The following KCNIP1 variants were observed in gnomAD, a reference collection of about 807,000 sequenced individuals.
The protein encoded by KCNIP1 is A-type potassium channel modulatory protein KCNIP1.
Under a neutral mutation model 33.0 loss-of-function variants are expected in KCNIP1, and 18 were observed. The ratio of observed to expected loss-of-function variants is 0.55; its 90% CI spans 0.38 to 0.81. The LOEUF is 0.81. KCNIP1 is among the 30% of genes least tolerant of loss of function. KCNIP1 has a pLI of 0.00. For missense variants in KCNIP1, 238 were observed against 271.6 expected, an observed-to-expected ratio of 0.88 and a Z score of 0.87; for synonymous variants, 93 against 98.3, an observed-to-expected ratio of 0.95 and a Z score of 0.32.
chr5:170,713,693 C>T (rs1414304530), intron 1 of KCNIP1, among the ~76,000 whole-genome samples: 2 of 152,162 alleles, frequency 1.3e-5, no homozygotes, highest in African/African-American at 4.8e-5. Context: ...CTTTGGGCCA[C>T]ACTCAAGCCG....
Position 170,623,783 on chromosome 5 carries a change from C to G in KCNIP1, c.62-94975C>G, listed in dbSNP as rs188670369. Among the ~76,000 whole-genome samples, 9 of 152,304 alleles carry G rather than the reference C, an allele frequency of 5.9e-5. No individual in the cohort carries two copies. The East Asian group carries it at 1.7e-3, about 29-fold the overall frequency. On this transcript the variant is annotated intron_variant, in intron 1 of 7. Transcript: ENST00000328939. The stretch of plus-strand genomic sequence containing the variant: ...GCCTGAAGACTAACGCACATGATGT[C>G]AAGTGCGGGGCCCAAGTACTCAGGA...
intron 1 of KCNIP1, among the ~76,000 whole-genome samples, chr5:170,689,049 A>G (rs1762634534): frequency 6.6e-6 from 1 of 152,196 alleles, no homozygotes; most frequent in African/African-American, 2.4e-5. Flanking sequence ...AGCTAAAGAT[A>G]ATACATGATA....
intron 1 of KCNIP1, among the ~76,000 whole-genome samples, chr5:170,601,946 C>G (rs1479078711): frequency 6.6e-6 from 1 of 152,096 alleles, no homozygotes; most frequent in African/African-American, 2.4e-5. Context: ...TGCCAGAAAC[C>G]GAGATGGTGC....
At position 170,673,792 on chromosome 5, in the gene KCNIP1, C is replaced by G. The variant is rs560160342; in HGVS notation, c.62-44966C>G. On this transcript the variant is annotated intron_variant, in intron 1 of 7. Coordinates refer to ENST00000328939, the MANE Select transcript of KCNIP1 (RefSeq NM_014592.4). The stretch of plus-strand genomic sequence containing the variant: ...TATTAATGTCCCTGTCACTCTATAC[C>G]CTTGTCCAAGTTACTCCACACCCTC... 7.9e-5 allele frequency among the ~76,000 whole-genome samples: 12 copies of G among 152,146 alleles called. No homozygotes were observed. In the South Asian group the frequency reaches 2.3e-3, roughly 29 times the overall value.
At chr5:170,431,384 T>C (rs1451151938) in intron 1 of KCNIP1, among the ~76,000 whole-genome samples, 4 of 152,186 alleles carry the variant, frequency 2.6e-5, no homozygotes, top group African/African-American at 9.7e-5. Context: ...GGGCACAGGA[T>C]CATCTCTCTC....
intron 1 of KCNIP1, among the ~76,000 whole-genome samples, chr5:170,706,457 A>G (rs1420017246): frequency 6.6e-6 from 1 of 152,226 alleles, no homozygotes; most frequent in African/African-American, 2.4e-5. Flanking sequence ...AACTGTATCA[A>G]TCAGGCTTTT....
intron 1 of KCNIP1, among the ~76,000 whole-genome samples, chr5:170,649,416 T>C (rs79097033): frequency 0.055 from 8,347 of 152,318 alleles, 300 homozygotes; most frequent in Non-Finnish European, 0.081. Flanking sequence ...AGGGCATCCA[T>C]GGTCCATTGT....
intron 1 of KCNIP1, among the ~76,000 whole-genome samples, chr5:170,551,435 T>C (rs1756630856): frequency 6.6e-6 from 1 of 152,186 alleles, no homozygotes; most frequent in African/African-American, 2.4e-5. Context: ...GCAGGGTAAA[T>C]GCACCCCCAT....
intron 1 of KCNIP1, among the ~76,000 whole-genome samples, chr5:170,709,388 A>G (rs189423030): frequency 1.3e-5 from 2 of 152,378 alleles, no homozygotes. Context: ...GCCCTTTTAC[A>G]TAAGAATTCT....
At chr5:170,647,750 A>C (rs1371657388) in intron 1 of KCNIP1, among the ~76,000 whole-genome samples, 2 of 152,168 alleles carry the variant, frequency 1.3e-5, no homozygotes, top group African/African-American at 4.8e-5. Context: ...CCAAAGGCAC[A>C]ATCTGTGAAA....
At chr5:170,561,150 T>G (rs1428965025) in intron 1 of KCNIP1, 2 of 455,860 alleles carry the variant, frequency 4.4e-6, no homozygotes, top group South Asian at 1.5e-5. Context: ...GATGTGTTTA[T>G]GCTCCTTCGA....
At chr5:170,692,367 T>A (rs940163644) in intron 1 of KCNIP1, among the ~76,000 whole-genome samples, 2 of 151,900 alleles carry the variant, frequency 1.3e-5, no homozygotes, top group Non-Finnish European at 2.9e-5. Flanking sequence ...TGAAAATAAA[T>A]CCCCCAGGCT....
intron 1 of KCNIP1, among the ~76,000 whole-genome samples, chr5:170,594,868 T>C (rs915473825): frequency 3.3e-5 from 5 of 152,250 alleles, no homozygotes; most frequent in African/African-American, 7.2e-5. Flanking sequence ...TGATGAGTTA[T>C]GGAAAGTAGG....
At chr5:170,665,424 C>T (rs1408983371) in intron 1 of KCNIP1, among the ~76,000 whole-genome samples, 5 of 152,092 alleles carry the variant, frequency 3.3e-5, no homozygotes, top group African/African-American at 7.2e-5. Flanking sequence ...CTTTGTAATA[C>T]GCCTGTCTCT....
intron 1 of KCNIP1, chr5:170,681,387 G>A (rs1762341441): frequency 2.8e-6 from 1 of 354,686 alleles, no homozygotes; most frequent in Non-Finnish European, 5.0e-6. Context: ...GGTGCGCCTG[G>A]GGAGTGCGGG....
intron 1 of KCNIP1, among the ~76,000 whole-genome samples, chr5:170,509,338 G>T (rs1754843801): frequency 6.6e-6 from 1 of 151,986 alleles, no homozygotes; most frequent in African/African-American, 2.4e-5. Flanking sequence ...GAAGCTCAAT[G>T]GAGCTCAAGA....
chr5:170,353,669 G>A (rs1763270011), exon 1 of KCNIP1: 1 of 600,128 alleles, frequency 1.7e-6, no homozygotes, highest in Non-Finnish European at 3.0e-6. Flanking sequence ...GGTGGAGAGA[G>A]GGAGGGAGAG....
chr5:170,419,241 G>T (rs901487710), intron 1 of KCNIP1, among the ~76,000 whole-genome samples: 1 of 152,208 alleles, frequency 6.6e-6, no homozygotes, highest in Non-Finnish European at 1.5e-5. Flanking sequence ...CCCCAGTGAG[G>T]TTTGGGGGTT....
intron 1 of KCNIP1, among the ~76,000 whole-genome samples, chr5:170,690,768 A>G (rs900170583): frequency 6.6e-6 from 1 of 152,222 alleles, no homozygotes; most frequent in African/African-American, 2.4e-5. Flanking sequence ...TTGTTTCCAG[A>G]TGGTGATCTG....
Sources: gnomAD v4.1 joint callset for allele counts (sites outside exome capture counted in the v4.1 genomes callset) on GRCh38, gnomAD v4.1.1 for gene constraint, MANE v1.5 for transcripts, NCBI Gene and HGNC (gene_info 2026-07-23, HGNC 2026-07-21) for gene names.